Variants in PRMT3 observed in about 807,000 individuals in gnomAD.
PRMT3 encodes protein arginine N-methyltransferase 3.
A neutral mutation model predicts 71.9 loss-of-function variants in PRMT3; 62 were observed. That is an observed-to-expected ratio of 0.86 (90% CI 0.70 to 1.07). The LOEUF is 1.07. Among genes scored for constraint, PRMT3 ranks in the 50% least tolerant of loss-of-function variants. The pLI is 0.00. For synonymous variants in PRMT3, 213 were observed against 220.4 expected, an observed-to-expected ratio of 0.97 and a Z score of 0.30; for missense variants, 663 against 643.0, an observed-to-expected ratio of 1.03 and a Z score of -0.34.
intron 10 of PRMT3, among the ~76,000 whole-genome samples, chr11:20,429,740 T>C (rs1367182883): frequency 6.6e-6 from 1 of 152,258 alleles, no homozygotes; most frequent in Non-Finnish European, 1.5e-5. Context: ...CTGTTTTAAG[T>C]GCTCTAGGTG....
chr11:20,464,615 A>G (rs1008603082), intron 13 of PRMT3, 69 bp downstream of exon 13: 1 of 1,583,138 alleles, frequency 6.3e-7, no homozygotes, highest in Non-Finnish European at 8.6e-7. Flanking sequence ...TAATGAGTTT[A>G]ATTACCAGGC....
chr11:20,504,721 AG>A (rs1851544445), intron 15 of PRMT3, among the ~76,000 whole-genome samples: 1 of 149,496 alleles, frequency 6.7e-6, no homozygotes, highest in Non-Finnish European at 1.5e-5. Context: ...AGAGAGAGAG[AG>A]AGAGAGAGAG....
At chr11:20,444,212 A>C (rs558680403) in intron 10 of PRMT3, among the ~76,000 whole-genome samples, 87 of 148,882 alleles carry the variant, frequency 5.8e-4, no homozygotes, top group African/African-American at 2.1e-3. Context: ...CCTGGTCCCC[A>C]AAAAAATGTT....
chr11:20,482,606 G>C (rs956561563), intron 13 of PRMT3, among the ~76,000 whole-genome samples: 1 of 152,008 alleles, frequency 6.6e-6, no homozygotes, highest in Non-Finnish European at 1.5e-5. Flanking sequence ...GTTGGACCAG[G>C]TATTTTCCTT....
chr11:20,480,103 G>A (rs2133431467), intron 13 of PRMT3, among the ~76,000 whole-genome samples: 1 of 152,294 alleles, frequency 6.6e-6, no homozygotes, highest in Admixed American at 6.5e-5. Flanking sequence ...CTTGAAGCCA[G>A]AAGTTCGAGA....
At chr11:20,442,071 G>A (rs1481665462) in intron 10 of PRMT3, among the ~76,000 whole-genome samples, 1 of 152,246 alleles carries the variant, frequency 6.6e-6, no homozygotes, top group Non-Finnish European at 1.5e-5. Context: ...GGGATTACAG[G>A]CGTGGGCCAC....
At chr11:20,505,892 C>A (rs59895778) in intron 15 of PRMT3, among the ~76,000 whole-genome samples, 1 of 149,834 alleles carries the variant, frequency 6.7e-6, no homozygotes, top group Non-Finnish European at 1.5e-5. Flanking sequence ...ACCCACGGGG[C>A]GGTAAAATTT....
At chr11:20,427,861 G>C (rs536910636) in intron 10 of PRMT3, among the ~76,000 whole-genome samples, 3 of 45,750 alleles carry the variant, frequency 6.6e-5, no homozygotes, top group African/African-American at 1.2e-4. Flanking sequence ...CTGTTTGGTA[G>C]ATATATTTTC....
chr11:20,504,707 T>TGAGAGAGAGAGAGAGA lies in PRMT3; in HGVS notation c.1487-3573_1487-3558dup, dbSNP rs57201745. Among the ~76,000 whole-genome samples, 39 of 133,644 alleles carry TGAGAGAGAGAGAGAGA rather than the reference T, an allele frequency of 2.9e-4. 1 individual carries two copies. The Middle Eastern group carries it at 0.012, about 40-fold the overall frequency. The allele number at this position is 133,644 out of a possible 152,430, so 87.7% of individuals were successfully genotyped here. ...TATTGTATGTGTGTGTGTGTGTGTG[T>TGAGAGAGAGAGAGAGA]GAGAGAGAGAGAGAGAGAGAGAGAG... On this transcript the variant is annotated intron_variant, in intron 15 of 15. Transcript: ENST00000331079.
intron 10 of PRMT3, among the ~76,000 whole-genome samples, chr11:20,442,139 C>G (rs1396195233): frequency 6.6e-6 from 1 of 152,038 alleles, no homozygotes; most frequent in Non-Finnish European, 1.5e-5. Context: ...AATAAGACTT[C>G]TAAATGCAGC....
At chr11:20,401,831 TG>T in intron 7 of PRMT3, among the ~76,000 whole-genome samples, 2 of 152,302 alleles carry the variant, frequency 1.3e-5, no homozygotes, top group Middle Eastern at 6.8e-3. Context: ...TCACAGGTTA[TG>T]GGAGACTCCA....
chr11:20,434,229 C>A (rs529940295), intron 10 of PRMT3, among the ~76,000 whole-genome samples: 121 of 152,016 alleles, frequency 8.0e-4, no homozygotes, highest in Admixed American at 1.3e-3. Flanking sequence ...GGGTTGTTTG[C>A]TTTTTGTATA....
chr11:20,447,611 A>G (rs1476949052), intron 10 of PRMT3, among the ~76,000 whole-genome samples: 2 of 152,110 alleles, frequency 1.3e-5, no homozygotes, highest in Non-Finnish European at 2.9e-5. Flanking sequence ...TGTTACATGA[A>G]TATGTCATAG....
chr11:20,506,596 C>T (rs1401296433), intron 15 of PRMT3, among the ~76,000 whole-genome samples: 1 of 152,166 alleles, frequency 6.6e-6, no homozygotes, highest in Non-Finnish European at 1.5e-5. Flanking sequence ...TATTTCACTA[C>T]CATCTTGAAA....
chr11:20,410,904 A>G (rs1409965089), intron 9 of PRMT3, among the ~76,000 whole-genome samples: 1 of 152,072 alleles, frequency 6.6e-6, no homozygotes, highest in African/African-American at 2.4e-5. Context: ...GTGCTTTTCC[A>G]TGTACTCAAA....
intron 11 of PRMT3, among the ~76,000 whole-genome samples, chr11:20,455,722 T>C (rs1850253583): frequency 6.6e-6 from 1 of 152,070 alleles, no homozygotes; most frequent in Non-Finnish European, 1.5e-5. Flanking sequence ...CCTTAATAAT[T>C]AAAACAATAT....
chr11:20,391,162 G>C (rs1848705625), intron 3 of PRMT3, among the ~76,000 whole-genome samples: 1 of 152,152 alleles, frequency 6.6e-6, no homozygotes, highest in African/African-American at 2.4e-5. Context: ...ATAAATACGT[G>C]ATATCACATG....
chr11:20,426,752 A>T lies in PRMT3; in HGVS notation c.894-14A>T. On this transcript the variant is annotated splice_polypyrimidine_tract_variant and intron_variant, in intron 9 of 15. Coordinates refer to ENST00000331079, the MANE Select transcript of PRMT3 (RefSeq NM_005788.4). Reference sequence around the variant, plus strand: ...TCTGTTTAACCTACTAATCTAATTCATTATAATTTTCAGACTAAATAAACT... The same window carrying T: ...TCTGTTTAACCTACTAATCTAATTCTTTATAATTTTCAGACTAAATAAACT... 2 of 1,452,832 alleles carry T rather than the reference A, an allele frequency of 1.4e-6. No homozygotes were observed. 90.0% of individuals were successfully genotyped at this position (1,452,832 alleles called of 1,614,324 possible).
Position 20,508,636 on chromosome 11 carries a change from G to A in PRMT3, c.*223G>A, listed in dbSNP as rs1040995857. The A allele has an allele frequency of 3.2e-5, 21 of 647,756 alleles. No individual in the cohort carries two copies. Among genetic ancestry groups the A allele is most frequent in the Admixed American group, 2.1e-4 (10 of 48,480 alleles). The allele number at this position is 647,756 out of a possible 1,614,324, so 40.1% of individuals were successfully genotyped here. A position where few individuals can be genotyped will look rare whatever the true frequency, so the allele number is the denominator to read the frequency against. On this transcript the variant is annotated 3_prime_UTR_variant, in exon 16 of 16. Coordinates refer to ENST00000331079, the MANE Select transcript of PRMT3 (RefSeq NM_005788.4). ...CTGCCACGTAATCATTTTCTTAGAC[G>A]TTTGCTCCACCAGATTTAACCAAAT... is the stretch of plus-strand genomic sequence containing the variant.
Sources: gnomAD v4.1 joint callset for allele counts (sites outside exome capture counted in the v4.1 genomes callset) on GRCh38, gnomAD v4.1.1 for gene constraint, MANE v1.5 for transcripts, NCBI Gene and HGNC (gene_info 2026-07-23, HGNC 2026-07-21) for gene names.